CTNNA2: variants seen among roughly 807,000 people sequenced by gnomAD.
CTNNA2 encodes catenin alpha-2.
CTNNA2 carries 42 observed loss-of-function variants against 101.0 expected under a neutral mutation model. That is an observed-to-expected ratio of 0.42 (90% confidence interval 0.32 to 0.54). The LOEUF is 0.54. Ranked by LOEUF, CTNNA2 falls within the 20% of genes least tolerant of loss-of-function variation. The probability of loss-of-function intolerance (pLI) is 0.14; values close to 1 mark genes in which losing one functional copy is unlikely to be tolerated. For missense variants in CTNNA2, 871 were observed against 1,223.1 expected (o/e 0.71, Z 4.29); for synonymous variants, 450 against 456.4 (o/e 0.99, Z 0.18).
chr2:79,419,414 T>C (rs568524500), intron 4 of CTNNA2, among the ~76,000 whole-genome samples: 1 of 152,246 alleles, frequency 6.6e-6, no homozygotes, highest in Admixed American at 6.5e-5. Flanking sequence ...GACTCATTGA[T>C]TGTAAAAGAA....
chr2:80,201,069 C>T (rs1206842447), intron 7 of CTNNA2, among the ~76,000 whole-genome samples: 2 of 152,076 alleles, frequency 1.3e-5, no homozygotes, highest in African/African-American at 4.8e-5. Context: ...TGCACACATC[C>T]TCTCATTTAC....
chr2:80,559,783 C>T (rs915125313), intron 12 of CTNNA2, among the ~76,000 whole-genome samples: 3 of 151,906 alleles, frequency 2.0e-5, no homozygotes, highest in East Asian at 1.9e-4. Flanking sequence ...AGTAAGTACA[C>T]GCTTGACCAG....
intron 9 of CTNNA2, among the ~76,000 whole-genome samples, chr2:80,498,100 A>C (rs1190400780): frequency 6.6e-6 from 1 of 152,148 alleles, no homozygotes; most frequent in Admixed American, 6.5e-5. Flanking sequence ...CAGGGTATCA[A>C]GTCTCTTAGT....
chr2:80,433,702 C>T (rs750405955), intron 9 of CTNNA2, among the ~76,000 whole-genome samples: 2 of 152,106 alleles, frequency 1.3e-5, no homozygotes, highest in Non-Finnish European at 2.9e-5. Flanking sequence ...GACCATTTTC[C>T]TCTCTCACTG....
chr2:80,037,598 G>A (rs890498404), intron 7 of CTNNA2, among the ~76,000 whole-genome samples: 3 of 152,128 alleles, frequency 2.0e-5, no homozygotes, highest in African/African-American at 7.2e-5. Flanking sequence ...AGAATGCTGG[G>A]AAGAAACAAG....
At chr2:79,838,364 G>A (rs1358914062) in intron 3 of CTNNA2, among the ~76,000 whole-genome samples, 1 of 152,062 alleles carries the variant, frequency 6.6e-6, no homozygotes, top group Non-Finnish European at 1.5e-5. Context: ...AGGGTGGAGG[G>A]TAAAGAAAGA....
intron 7 of CTNNA2, among the ~76,000 whole-genome samples, chr2:79,993,366 C>G (rs746990002): frequency 6.6e-6 from 1 of 152,142 alleles, no homozygotes; most frequent in African/African-American, 2.4e-5. Context: ...TGGGCTCCCA[C>G]GTGGGCTTCA....
intron 9 of CTNNA2, among the ~76,000 whole-genome samples, chr2:80,514,230 G>A (rs1188597078): frequency 2.0e-5 from 3 of 152,156 alleles, no homozygotes; most frequent in Non-Finnish European, 4.4e-5. Flanking sequence ...GGGAGTGCAT[G>A]AGTGAGCAAG....
intron 3 of CTNNA2, among the ~76,000 whole-genome samples, chr2:79,822,470 C>G (rs1193609771): frequency 6.6e-6 from 1 of 152,144 alleles, no homozygotes; most frequent in Non-Finnish European, 1.5e-5. Context: ...ATCCTATTCT[C>G]TTCATCTCCT....
Position 79,637,684 on chromosome 2 carries a change from T to G in CTNNA2, c.-5-13868T>G, listed in dbSNP as rs1393239214. ...TAAACAATACCTTAAGGATTTATTA[T>G]CCACATATTTCTGTGAAGTTTCTTA... On this transcript the variant is annotated intron_variant, in intron 1 of 18. Transcript: ENST00000402739. 3.3e-5 allele frequency among the ~76,000 whole-genome samples: 5 copies of G among 152,344 alleles called. No individual in the cohort carries two copies. In the South Asian group the frequency reaches 8.3e-4, roughly 25 times the overall value.
chr2:79,858,881 A>G (rs904502777), intron 4 of CTNNA2, among the ~76,000 whole-genome samples: 1 of 151,596 alleles, frequency 6.6e-6, no homozygotes, highest in Admixed American at 6.6e-5. Context: ...TCTCATCACA[A>G]ACTTTAATGG....
At chr2:80,438,745 T>C (rs1392339802) in intron 9 of CTNNA2, among the ~76,000 whole-genome samples, 2 of 150,306 alleles carry the variant, frequency 1.3e-5, no homozygotes, top group Non-Finnish European at 3.0e-5. Flanking sequence ...CCTCATTCCA[T>C]CTGTTCCTTT....
intron 1 of CTNNA2, among the ~76,000 whole-genome samples, chr2:79,530,312 C>A (rs895502992): frequency 3.3e-5 from 5 of 152,114 alleles, no homozygotes; most frequent in African/African-American, 7.2e-5. Context: ...TTCTTGTTAA[C>A]AGGATGCCTC....
chr2:80,357,929 G>A (rs1673997430), intron 7 of CTNNA2, among the ~76,000 whole-genome samples: 1 of 152,086 alleles, frequency 6.6e-6, no homozygotes, highest in Non-Finnish European at 1.5e-5. Context: ...AACATGAGAG[G>A]GTAGAGGTGG....
intron 7 of CTNNA2, among the ~76,000 whole-genome samples, chr2:79,990,361 G>C (rs1349595285): frequency 6.6e-6 from 1 of 152,096 alleles, no homozygotes; most frequent in East Asian, 1.9e-4. Context: ...AACCTCACCA[G>C]GTTTTCTGTG....
chr2:79,514,844 T>G (rs1165037079), intron 1 of CTNNA2, among the ~76,000 whole-genome samples: 1 of 152,250 alleles, frequency 6.6e-6, no homozygotes, highest in African/African-American at 2.4e-5. Flanking sequence ...AATGGTGGAT[T>G]CTTTGAAGTT....
chr2:79,948,057 C>T (rs1688624093), intron 7 of CTNNA2, among the ~76,000 whole-genome samples: 2 of 152,216 alleles, frequency 1.3e-5, no homozygotes, highest in Non-Finnish European at 2.9e-5. Flanking sequence ...CCTCATCACA[C>T]AGCAGAGTGC....
intron 2 of CTNNA2, among the ~76,000 whole-genome samples, chr2:79,302,973 C>T (rs975991309): frequency 6.6e-6 from 1 of 152,090 alleles, no homozygotes; most frequent in Non-Finnish European, 1.5e-5. Flanking sequence ...CCAACTTGAC[C>T]ACAAAAACAT....
At chr2:80,599,728 T>G (rs934168499) in intron 15 of CTNNA2, among the ~76,000 whole-genome samples, 1 of 152,176 alleles carries the variant, frequency 6.6e-6, no homozygotes, top group African/African-American at 2.4e-5. Context: ...ATAATTTTCT[T>G]TATTTTACAC....
Sources: gnomAD v4.1 joint callset for allele counts (sites outside exome capture counted in the v4.1 genomes callset) on GRCh38, gnomAD v4.1.1 for gene constraint, MANE v1.5 for transcripts, NCBI Gene and HGNC (gene_info 2026-07-23, HGNC 2026-07-21) for gene names.